The following SGCD variants were observed in gnomAD, a reference collection of about 807,000 sequenced individuals.
SGCD encodes the protein delta-sarcoglycan.
In SGCD, 18 loss-of-function variants were observed where a neutral mutation model predicts 36.6. The observed-to-expected ratio is 0.49, with a 90% CI of 0.34 to 0.73. The LOEUF is 0.73. Among genes scored for constraint, SGCD ranks in the 30% least tolerant of loss-of-function variants. SGCD has a pLI of 0.01. For synonymous variants in SGCD, 133 were observed against 130.6 expected (o/e 1.02, Z -0.12); for missense variants, 387 against 346.7 (o/e 1.12, Z -0.92).
At chr5:156,356,994 T>G (rs553164904) in intron 3 of SGCD, among the ~76,000 whole-genome samples, 120 of 152,304 alleles carry the variant, frequency 7.9e-4, no homozygotes, top group African/African-American at 2.8e-3. Context: ...GAATTCTGGC[T>G]TCTAGAACTT....
At chr5:156,679,209 T>C (rs887229915) in intron 7 of SGCD, among the ~76,000 whole-genome samples, 2 of 152,188 alleles carry the variant, frequency 1.3e-5, no homozygotes, top group Admixed American at 6.5e-5. Context: ...AGGACCTCCT[T>C]CTAGTTTCAT....
intron 3 of SGCD, among the ~76,000 whole-genome samples, chr5:156,175,564 A>G (rs1031534351): frequency 6.6e-6 from 1 of 152,206 alleles, no homozygotes. Flanking sequence ...GCAAAGTATA[A>G]TAATTAACCT....
the SGCD span, among the ~76,000 whole-genome samples, chr5:155,824,416 CAG>C: frequency 6.6e-6 from 1 of 152,110 alleles, no homozygotes; most frequent in African/African-American, 2.4e-5. Flanking sequence ...ATTATTGTAA[CAG>C]ATAAAAGTTG....
In SGCD at chr5:156,056,800, G is replaced by A. The variant is rs1352740485; in HGVS notation, c.-281-61078G>A. 1.4e-5 allele frequency among the ~76,000 whole-genome samples: 2 copies of A among 145,922 alleles called. 1 individual carries two copies. Among genetic ancestry groups the A allele is most frequent in the Non-Finnish European group, 3.1e-5 (2 of 64,852 alleles). ...ATAAATCAGTGCTATCTGGGCAGTA[G>A]GCAAGGAGAATCTGTCGGGTGGTTA... is the stretch of plus-strand genomic sequence containing the variant. On this transcript the variant is annotated intron_variant, in intron 1 of 9. Transcript: ENST00000517913.
chr5:156,156,599 G>T (rs370310773), intron 3 of SGCD, among the ~76,000 whole-genome samples: 1 of 151,662 alleles, frequency 6.6e-6, no homozygotes, highest in African/African-American at 2.4e-5. Flanking sequence ...ACTCCAGACT[G>T]GGTGACAGAG....
At chr5:156,013,247 A>T (rs1320137581) in intron 1 of SGCD, among the ~76,000 whole-genome samples, 1 of 150,988 alleles carries the variant, frequency 6.6e-6, no homozygotes, top group East Asian at 2.0e-4. Flanking sequence ...CTGGTCTCGA[A>T]CTCCTGACCT....
intron 3 of SGCD, among the ~76,000 whole-genome samples, chr5:156,471,415 A>G: frequency 6.6e-6 from 1 of 152,172 alleles, no homozygotes; most frequent in Non-Finnish European, 1.5e-5. Flanking sequence ...AAGAATTAAG[A>G]TAGGTATGAT....
the SGCD span, among the ~76,000 whole-genome samples, chr5:155,811,738 G>A: frequency 6.6e-6 from 1 of 152,108 alleles, no homozygotes; most frequent in Non-Finnish European, 1.5e-5. Context: ...GGGGGTCACC[G>A]CCTTCTGGTT....
chr5:156,270,867 C>G (rs1417362113), intron 3 of SGCD, among the ~76,000 whole-genome samples: 1 of 152,130 alleles, frequency 6.6e-6, no homozygotes, highest in Non-Finnish European at 1.5e-5. Context: ...TGTTTTTAGT[C>G]CATAGTCCCA....
At chr5:155,821,373 G>A in the SGCD span, among the ~76,000 whole-genome samples, 8 of 151,978 alleles carry the variant, frequency 5.3e-5, no homozygotes, top group Non-Finnish European at 1.0e-4. Context: ...GAGTGCAGTG[G>A]CCCAATCTCC....
At chr5:156,488,705 A>C (rs113130949) in intron 3 of SGCD, among the ~76,000 whole-genome samples, 1 of 152,190 alleles carries the variant, frequency 6.6e-6, no homozygotes, top group Admixed American at 6.5e-5. Context: ...ATGAAAACAC[A>C]TAAAAGTATA....
At chr5:156,508,570 T>A in intron 3 of SGCD, 31 bp from the exon 4 acceptor site, 1 of 1,424,876 alleles carries the variant, frequency 7.0e-7, no homozygotes, top group East Asian at 2.3e-5. Flanking sequence ...GCTAATCATA[T>A]CTTCCTTGTT....
At chr5:156,305,767 CA>C (rs1305547913) in intron 3 of SGCD, among the ~76,000 whole-genome samples, 1 of 152,220 alleles carries the variant, frequency 6.6e-6, no homozygotes, top group Non-Finnish European at 1.5e-5. Context: ...GCTCCAAAAC[CA>C]CAGGGCAGAG....
intron 1 of SGCD, among the ~76,000 whole-genome samples, chr5:156,095,681 GA>G (rs1329200705): frequency 6.6e-6 from 1 of 152,114 alleles, no homozygotes; most frequent in East Asian, 1.9e-4. Context: ...AAGGAAGAAA[GA>G]AAGAAGAAAG....
intron 1 of SGCD, among the ~76,000 whole-genome samples, chr5:155,903,571 G>C (rs1756435900): frequency 6.6e-6 from 1 of 152,052 alleles, no homozygotes; most frequent in Non-Finnish European, 1.5e-5. Flanking sequence ...TTCCCACATG[G>C]GGGACAATGA....
At chr5:156,396,982 G>A (rs911322499) in intron 3 of SGCD, among the ~76,000 whole-genome samples, 6 of 152,188 alleles carry the variant, frequency 3.9e-5, no homozygotes, top group Non-Finnish European at 7.4e-5. Context: ...GACGACTGGG[G>A]CATAAAAAGG....
the SGCD span, among the ~76,000 whole-genome samples, chr5:155,855,836 C>T: frequency 1.3e-5 from 2 of 152,226 alleles, no homozygotes; most frequent in East Asian, 3.9e-4. Context: ...TTGCAAAGTA[C>T]AGGGCAGGAG....
intron 3 of SGCD, among the ~76,000 whole-genome samples, chr5:156,213,221 T>C (rs72811731): frequency 0.22 from 33,392 of 151,812 alleles, 4,319 homozygotes; most frequent in East Asian, 0.62. Flanking sequence ...GGGTTGTTTT[T>C]TGCAGTGATA....
At chr5:156,132,277 G>A (rs1762342650) in intron 3 of SGCD, among the ~76,000 whole-genome samples, 1 of 151,718 alleles carries the variant, frequency 6.6e-6, no homozygotes, top group Admixed American at 6.6e-5. Context: ...TGTGTCTGTA[G>A]ATAAGTATTT....
Sources: gnomAD v4.1 joint callset for allele counts (sites outside exome capture counted in the v4.1 genomes callset) on GRCh38, gnomAD v4.1.1 for gene constraint, MANE v1.5 for transcripts, NCBI Gene and HGNC (gene_info 2026-07-23, HGNC 2026-07-21) for gene names.